ANOS1: variants seen among roughly 807,000 people sequenced by gnomAD.
ANOS1 encodes anosmin 1.
A neutral mutation model predicts 59.0 loss-of-function variants in ANOS1; 6 were observed. The observed-to-expected ratio is 0.10, with a 90% CI of 0.06 to 0.20. The LOEUF (loss-of-function observed/expected upper bound fraction) is 0.20, where lower values mean the gene tolerates loss of function less well. Ranked by LOEUF, ANOS1 falls within the 10% of genes least tolerant of loss-of-function variation. The pLI is 1.00. For missense variants in ANOS1, 433 were observed against 542.3 expected, an observed-to-expected ratio of 0.80 and a Z score of 2.00; for synonymous variants, 217 against 223.4, an observed-to-expected ratio of 0.97 and a Z score of 0.25.
intron 1 of ANOS1, among the ~76,000 whole-genome samples, chrX:8,721,940 G>A (rs779182200): frequency 1.8e-5 from 2 of 112,294 alleles, no homozygotes; most frequent in East Asian, 2.8e-4. Flanking sequence ...GCAAGACTCT[G>A]TATTTATACA....
chrX:8,630,564 T>C (rs928065044), intron 2 of ANOS1, among the ~76,000 whole-genome samples: 3 of 112,269 alleles, frequency 2.7e-5, no homozygotes, highest in African/African-American at 9.7e-5. Context: ...GAAGGGTGAC[T>C]GTGACTAGAA....
At position 8,723,611 on chromosome X, in the gene ANOS1, T is replaced by G. The variant is rs187600065; in HGVS notation, c.207+8219A>C. Among the ~76,000 whole-genome samples, 10 of 112,624 alleles carry G rather than the reference T, an allele frequency of 8.9e-5. No individual in the cohort carries two copies. The East Asian group carries it at 2.8e-3, about 31-fold the overall frequency. ...TCCTTTCTGGGCATTTTTTACATAT[T>G]GGCTAATAAGTATAACTATTTTTAT... On this transcript the variant is annotated intron_variant, in intron 1 of 13. Coordinates refer to ENST00000262648, the MANE Select transcript of ANOS1 (RefSeq NM_000216.4).
intron 2 of ANOS1, among the ~76,000 whole-genome samples, chrX:8,657,949 CCTT>C (rs1249880210): frequency 1.8e-5 from 2 of 111,369 alleles, no homozygotes; most frequent in Non-Finnish European, 3.8e-5. Context: ...AGTCTGTTCT[CCTT>C]CTCAAGTGAC....
At chrX:8,607,594 C>T (rs746493007) in intron 3 of ANOS1, among the ~76,000 whole-genome samples, 29 of 111,508 alleles carry the variant, frequency 2.6e-4, no homozygotes, top group Non-Finnish European at 4.9e-4. Flanking sequence ...ACATAAATAG[C>T]TCGAGAAGTT....
At chrX:8,707,003 C>T (rs1316811078) in intron 1 of ANOS1, among the ~76,000 whole-genome samples, 3 of 111,679 alleles carry the variant, frequency 2.7e-5, no homozygotes, top group Non-Finnish European at 3.8e-5. Flanking sequence ...CTGACCCCCA[C>T]GCCCTGACTT....
intron 6 of ANOS1, among the ~76,000 whole-genome samples, chrX:8,574,065 T>G (rs1395543144): frequency 9.0e-6 from 1 of 110,565 alleles, no homozygotes; most frequent in African/African-American, 3.3e-5. Context: ...GTCTCCTGAA[T>G]GCCTTGCAAC....
chrX:8,572,958 G>A (rs895825706), intron 6 of ANOS1, among the ~76,000 whole-genome samples: 1 of 110,550 alleles, frequency 9.0e-6, no homozygotes, highest in Non-Finnish European at 1.9e-5. Context: ...AGAGCCATGT[G>A]AGGACTCCCC....
At chrX:8,687,254 T>C (rs1932536300) in intron 2 of ANOS1, among the ~76,000 whole-genome samples, 1 of 110,810 alleles carries the variant, frequency 9.0e-6, no homozygotes, top group Non-Finnish European at 1.9e-5. Flanking sequence ...ACTGTCTCTC[T>C]CCAGTGGCTT....
At position 8,531,585 on chromosome X, in the gene ANOS1, C is replaced by T. The variant is rs1053652774; in HGVS notation, c.*1410G>A. 2 of 111,543 alleles carry T rather than the reference C, an allele frequency of 1.8e-5. No homozygotes were observed. The highest frequency in any genetic ancestry group is 3.8e-5 in the Non-Finnish European group (2 of 53,068). The allele number at this position is 111,543 out of a possible 1,213,427, so 9.2% of individuals were successfully genotyped here. On this transcript the variant is annotated 3_prime_UTR_variant, in exon 14 of 14. Coordinates refer to ENST00000262648, the MANE Select transcript of ANOS1 (RefSeq NM_000216.4). Reference sequence around the variant, plus strand: ...TGGGGAAAATATATTATCCTTATGACCTTTAAAAGAGCTGTATCTTTACTC... The same window carrying T: ...TGGGGAAAATATATTATCCTTATGATCTTTAAAAGAGCTGTATCTTTACTC...
At chrX:8,626,245 A>C (rs919362935) in intron 2 of ANOS1, among the ~76,000 whole-genome samples, 2 of 110,624 alleles carry the variant, frequency 1.8e-5, no homozygotes, top group Admixed American at 9.7e-5. Flanking sequence ...CAAGTAGCTG[A>C]ATCTCTGCCC....
chrX:8,532,378 G>A lies in ANOS1; in HGVS notation c.*617C>T, dbSNP rs1332735538. 1.8e-5 allele frequency: 2 copies of A among 111,482 alleles called. No individual in the cohort carries two copies. Among genetic ancestry groups the A allele is most frequent in the Non-Finnish European group, 3.8e-5 (2 of 53,101 alleles). The allele number at this position is 111,482 out of a possible 1,213,427, so 9.2% of individuals were successfully genotyped here. On this transcript the variant is annotated 3_prime_UTR_variant, in exon 14 of 14. Coordinates refer to ENST00000262648, the MANE Select transcript of ANOS1 (RefSeq NM_000216.4). The stretch of plus-strand genomic sequence containing the variant: ...TCTTTTGTAAATCATAATTTATAGA[G>A]GGAACTTTGATTTACCTTTGCATAA...
chrX:8,585,370 A>C lies in ANOS1; in HGVS notation c.753T>G (p.Thr251=), dbSNP rs756304968. ...GGTACCATCGGCTGGGTCTTATGTC[A>C]GTCAGTTGAACTCGCTCGTCTGTGG... ...AQTTDERVQL[T]DIRPSRWYQF... The change falls in exon 6 of 14, where the codon ACT becomes ACG. Residue 251 remains threonine (T), a synonymous_variant. Coordinates refer to ENST00000262648, the MANE Select transcript of ANOS1 (RefSeq NM_000216.4). The C allele has an allele frequency of 8.3e-6, 10 of 1,209,694 alleles. No individual in the cohort carries two copies. Among genetic ancestry groups the C allele is most frequent in the Non-Finnish European group, 2.2e-6 (2 of 894,856 alleles).
At chrX:8,604,189 A>G (rs1930896421) in intron 3 of ANOS1, among the ~76,000 whole-genome samples, 1 of 111,757 alleles carries the variant, frequency 8.9e-6, no homozygotes, top group African/African-American at 3.3e-5. Context: ...ACCATATCTC[A>G]CGGTAAAATA....
At chrX:8,549,242 C>T (rs1042715754) in intron 9 of ANOS1, among the ~76,000 whole-genome samples, 4 of 112,408 alleles carry the variant, frequency 3.6e-5, no homozygotes, top group Non-Finnish European at 5.6e-5. Flanking sequence ...ATATTCTTCA[C>T]ATTTATTTCT....
Position 8,529,892 on chromosome X carries a change from C to A in ANOS1, c.*3103G>T, listed in dbSNP as rs1929469325. Reference sequence around the variant, plus strand: ...AAAAACCTACAGTGCACAAGACAAACCCCCACAACAGAGAACTATCCAGCC... The same window carrying A: ...AAAAACCTACAGTGCACAAGACAAAACCCCACAACAGAGAACTATCCAGCC... On this transcript the variant is annotated 3_prime_UTR_variant, in exon 14 of 14. Coordinates refer to ENST00000262648, the MANE Select transcript of ANOS1 (RefSeq NM_000216.4). The A allele has an allele frequency of 9.0e-6, 1 of 111,465 alleles. No homozygotes were observed. Among genetic ancestry groups the A allele is most frequent in the African/African-American group, 3.3e-5 (1 of 30,663 alleles). The allele number at this position is 111,465 out of a possible 1,213,427, so 9.2% of individuals were successfully genotyped here.
chrX:8,731,503 C>G (rs1430622037), intron 1 of ANOS1, among the ~76,000 whole-genome samples: 1 of 111,788 alleles, frequency 8.9e-6, no homozygotes, highest in Non-Finnish European at 1.9e-5. Context: ...CTCGCGCACT[C>G]CAATTCCCGG....
chrX:8,594,751 C>CATAT (rs1194283321), intron 4 of ANOS1, among the ~76,000 whole-genome samples: 1 of 41,622 alleles, frequency 2.4e-5, no homozygotes, highest in Admixed American at 3.1e-4. Flanking sequence ...TATATATATA[C>CATAT]ATATATATAT....
chrX:8,646,752 A>G (rs1213096657), intron 2 of ANOS1, among the ~76,000 whole-genome samples: 2 of 108,610 alleles, frequency 1.8e-5, no homozygotes, highest in African/African-American at 6.7e-5. Context: ...GGCCAACATC[A>G]TGAAACCCTA....
At chrX:8,685,677 G>T (rs187360181) in intron 2 of ANOS1, among the ~76,000 whole-genome samples, 16 of 103,393 alleles carry the variant, frequency 1.5e-4, no homozygotes, top group African/African-American at 5.7e-4. Flanking sequence ...GAAGGAAGGA[G>T]GGAGGAAGGG....
Sources: gnomAD v4.1 joint callset for allele counts (sites outside exome capture counted in the v4.1 genomes callset) on GRCh38, gnomAD v4.1.1 for gene constraint, MANE v1.5 for transcripts, NCBI Gene and HGNC (gene_info 2026-07-23, HGNC 2026-07-21) for gene names.